The following C7 variants were observed in gnomAD, a reference collection of about 807,000 sequenced individuals.
C7 encodes complement C7, also known as complement component C7.
A neutral mutation model predicts 104.8 loss-of-function variants in C7; 83 were observed. The ratio of observed to expected loss-of-function variants is 0.79; its 90% CI spans 0.66 to 0.95. The LOEUF (loss-of-function observed/expected upper bound fraction) is 0.95. Among genes scored for constraint, C7 ranks in the 40% least tolerant of loss-of-function variants. The pLI, the probability that C7 is intolerant of heterozygous loss-of-function variation, is 0.00. For missense variants in C7, 1,070 were observed against 1,011.2 expected (o/e 1.06, Z -0.79); for synonymous variants, 415 against 360.6 (o/e 1.15, Z -1.71).
Position 40,971,068 on chromosome 5 carries a change from T to C in C7, c.1883-1335T>C, listed in dbSNP as rs942030412. 3.3e-5 allele frequency among the ~76,000 whole-genome samples: 5 copies of C among 152,302 alleles called. No homozygotes were observed. The South Asian group carries it at 1.0e-3, about 32-fold the overall frequency. On this transcript the variant is annotated intron_variant, in intron 14 of 17. Coordinates refer to ENST00000313164, the MANE Select transcript of C7 (RefSeq NM_000587.4). ...CATACGTGTGCATGTGTCTTTACAG[T>C]AGAATGATTTATAACCCTTTGGGTA...
intron 7 of C7, 67 bp from the exon 8 acceptor site, chr5:40,947,535 G>A: frequency 6.4e-7 from 1 of 1,552,790 alleles, no homozygotes; most frequent in Admixed American, 1.8e-5. Context: ...GTATTGAACA[G>A]AGAACTATTT....
At chr5:40,954,067 T>C (rs537019346) in intron 9 of C7, among the ~76,000 whole-genome samples, 12 of 152,298 alleles carry the variant, frequency 7.9e-5, no homozygotes, top group African/African-American at 2.6e-4. Flanking sequence ...AAAGTATTTC[T>C]AAAATTATGA....
chr5:40,939,337 A>C (rs774014314), intron 6 of C7, among the ~76,000 whole-genome samples: 4 of 152,226 alleles, frequency 2.6e-5, no homozygotes, highest in Non-Finnish European at 5.9e-5. Context: ...TTAGGTGATT[A>C]GCATAGGTTT....
At chr5:40,967,681 GT>G in intron 14 of C7, 1 of 194,806 alleles carries the variant, frequency 5.1e-6, no homozygotes, top group South Asian at 9.9e-5. Flanking sequence ...ATAGTGATCA[GT>G]TTTACCCTCT....
intron 15 of C7, among the ~76,000 whole-genome samples, chr5:40,976,233 G>A (rs3828511): frequency 6.6e-6 from 1 of 152,146 alleles, no homozygotes; most frequent in Admixed American, 6.5e-5. Context: ...CCATGTATAA[G>A]GCAAGTGATG....
chr5:40,964,959 C>T, intron 14 of C7, 86 bp downstream of exon 14: 5 of 1,465,008 alleles, frequency 3.4e-6, no homozygotes, highest in Non-Finnish European at 4.7e-6. Flanking sequence ...CACCATATGG[C>T]CCATGTGTTG....
chr5:40,937,450 G>A (rs1181270270), intron 5 of C7, 102 bp from the exon 6 acceptor site: 5 of 1,200,232 alleles, frequency 4.2e-6, no homozygotes, highest in African/African-American at 3.1e-5. Flanking sequence ...TGCATTTTAA[G>A]AATTTGTAGA....
intron 4 of C7, among the ~76,000 whole-genome samples, chr5:40,934,869 A>T (rs998699365): frequency 2.0e-5 from 3 of 152,208 alleles, no homozygotes; most frequent in African/African-American, 7.2e-5. Context: ...GGAGCAATAC[A>T]GTTCTCTCCT....
chr5:40,955,187 C>T (rs1740261438), intron 9 of C7, among the ~76,000 whole-genome samples, 200 bp from the exon 10 acceptor site: 1 of 152,188 alleles, frequency 6.6e-6, no homozygotes, highest in Admixed American at 6.5e-5. Flanking sequence ...CATGTGCCCA[C>T]CATTGTAGTA....
chr5:40,914,189 T>C (rs1014475965), intron 1 of C7, among the ~76,000 whole-genome samples: 1 of 152,166 alleles, frequency 6.6e-6, no homozygotes, highest in African/African-American at 2.4e-5. Flanking sequence ...TCCTTGTGGT[T>C]TTAATTTAAT....
chr5:40,917,283 C>T (rs1469097511), intron 1 of C7, among the ~76,000 whole-genome samples: 2 of 152,172 alleles, frequency 1.3e-5, no homozygotes, highest in Admixed American at 1.3e-4. Flanking sequence ...ACCCTGCCCC[C>T]ATGGCCCTTG....
intron 10 of C7, 72 bp from the exon 11 acceptor site, chr5:40,957,961 G>T (rs1740330452): frequency 9.8e-7 from 1 of 1,024,096 alleles, no homozygotes; most frequent in Non-Finnish European, 1.4e-6. Flanking sequence ...TGAGAGTCGT[G>T]CCTAAACATG....
intron 15 of C7, among the ~76,000 whole-genome samples, chr5:40,975,356 GA>G (rs1317466520): frequency 6.9e-6 from 1 of 144,064 alleles, no homozygotes; most frequent in African/African-American, 2.6e-5. Context: ...CCATTTTAAA[GA>G]GAAGTGTGCT....
rs747361977 is a variant in C7 at position 40,958,208 on chromosome 5, C to T, written c.1436C>T (p.Pro479Leu). The change falls in exon 11 of 18, where the codon CCG (proline) becomes CTG (leucine). Residue 479 changes from proline (P) to leucine (L), a missense_variant. Physicochemically the swap from Pro to Leu is moderately conservative, Grantham distance 98. Coordinates refer to ENST00000313164, the MANE Select transcript of C7 (RefSeq NM_000587.4). ...ACCCATTGTCTGTGCCATTGCAAAC[C>T]GTACACATTTGGTGCGGCGTGTGAG... Reference protein sequence around the residue: ...EGTHCLCHCKPYTFGAACEQG... With the variant: ...EGTHCLCHCKLYTFGAACEQG... The T allele has an allele frequency of 6.4e-5, 104 of 1,613,254 alleles. No individual in the cohort carries two copies. The highest frequency in any genetic ancestry group is 7.9e-5 in the Non-Finnish European group (93 of 1,179,512).
Position 40,955,463 on chromosome 5 carries a change from C to T in C7, c.1170C>T (p.Tyr390=), listed in dbSNP as rs186012050. 6.2e-7 allele frequency: 1 copy of T among 1,613,306 alleles called. No individual in the cohort carries two copies. Among genetic ancestry groups the T allele is most frequent in the Non-Finnish European group, 8.5e-7 (1 of 1,179,526 alleles). Residue 390 remains tyrosine (Y), a synonymous_variant, in exon 10 of 18, where the codon TAC becomes TAT. Coordinates refer to ENST00000313164, the MANE Select transcript of C7 (RefSeq NM_000587.4). ...CAGGCTTCATATCTGGCCTTAGTTACCTAGAGCTGGACAATCCTGCTGGAA... is the reference window on the plus strand; with the variant it reads ...CAGGCTTCATATCTGGCCTTAGTTATCTAGAGCTGGACAATCCTGCTGGAA... The part of the protein sequence containing the change: ...GGAGFISGLS[Y]LELDNPAGNK...
At chr5:40,962,059 AT>A in intron 12 of C7, 25 bp from the exon 13 acceptor site, 1 of 1,339,584 alleles carries the variant, frequency 7.5e-7, no homozygotes, top group Non-Finnish European at 1.0e-6. Flanking sequence ...AATCAATCAC[AT>A]TAATTACATT....
intron 13 of C7, 177 bp from the exon 14 acceptor site, chr5:40,964,563 TG>T: frequency 1.8e-6 from 1 of 543,194 alleles, no homozygotes; most frequent in Non-Finnish European, 3.3e-6. Context: ...TTTCAATTAA[TG>T]GTGGTGCTAG....
chr5:40,953,902 A>ATGTACC (rs1404516369), intron 9 of C7, among the ~76,000 whole-genome samples: 1 of 37,990 alleles, frequency 2.6e-5, no homozygotes, highest in Non-Finnish European at 9.0e-5. Flanking sequence ...AAAACAAAAA[A>ATGTACC]AGAACCTGTC....
intron 1 of C7, among the ~76,000 whole-genome samples, chr5:40,911,487 T>A (rs990245286): frequency 6.6e-6 from 1 of 152,190 alleles, no homozygotes; most frequent in Non-Finnish European, 1.5e-5. Flanking sequence ...CAGCCATTTG[T>A]TCCGTCCCTC....
Sources: allele counts gnomAD v4.1 joint callset (sites outside exome capture counted in the v4.1 genomes callset), GRCh38; gene constraint gnomAD v4.1.1; transcripts MANE v1.5; gene names NCBI Gene and HGNC (gene_info 2026-07-23, HGNC 2026-07-21).